The following PEX14 variants were observed in gnomAD, a reference collection of about 807,000 sequenced individuals.
PEX14 encodes peroxisomal membrane protein PEX14.
In PEX14, 15 loss-of-function variants were observed where a neutral mutation model predicts 49.5. The ratio of observed to expected loss-of-function variants is 0.30; its 90% CI spans 0.20 to 0.47. The LOEUF (loss-of-function observed/expected upper bound fraction) is 0.47. Ranked by LOEUF, PEX14 falls within the 20% of genes least tolerant of loss-of-function variation. The pLI, the probability that PEX14 is intolerant of heterozygous loss-of-function variation, is 1.00. For missense variants in PEX14, 398 were observed against 494.8 expected, an observed-to-expected ratio of 0.80 and a Z score of 1.86; for synonymous variants, 210 against 212.7, an observed-to-expected ratio of 0.99 and a Z score of 0.11.
chr1:10,507,949 A>G (rs1016851861), intron 2 of PEX14, among the ~76,000 whole-genome samples: 1 of 152,214 alleles, frequency 6.6e-6, no homozygotes, highest in African/African-American at 2.4e-5. Flanking sequence ...ACTTGTTGCC[A>G]AGAGCTAGAC....
intron 3 of PEX14, among the ~76,000 whole-genome samples, chr1:10,582,107 A>G (rs1640338349): frequency 6.6e-6 from 1 of 152,012 alleles, no homozygotes; most frequent in Non-Finnish European, 1.5e-5. Context: ...GCTTTATTAC[A>G]TAGGATGAAA....
chr1:10,490,963 C>G (rs1301586668), intron 1 of PEX14, among the ~76,000 whole-genome samples: 2 of 151,470 alleles, frequency 1.3e-5, no homozygotes, highest in African/African-American at 4.9e-5. Context: ...ATCGGCCTCC[C>G]AAAGTGCTGG....
At position 10,512,419 on chromosome 1, in the gene PEX14, T is replaced by C. The variant is rs944607005; in HGVS notation, c.84+17098T>C. On this transcript the variant is annotated intron_variant, in intron 2 of 8. Transcript: ENST00000356607. This position sits in a 1 kb window ranked among gnomAD's most constrained non-coding sequence, Gnocchi z 4.6. ...CAGGGAAACAGAGACTTCTGTGGAT[T>C]CATCCAAAGGATGGCAGACAGATTG... is the stretch of plus-strand genomic sequence containing the variant. 6.6e-6 allele frequency among the ~76,000 whole-genome samples: 1 copy of C among 152,196 alleles called. No individual in the cohort carries two copies. Among genetic ancestry groups the C allele is most frequent in the Admixed American group, 6.5e-5 (1 of 15,288 alleles).
intron 3 of PEX14, among the ~76,000 whole-genome samples, chr1:10,584,423 T>G (rs776267390): frequency 6.6e-6 from 1 of 152,212 alleles, no homozygotes; most frequent in Non-Finnish European, 1.5e-5. Context: ...TTGATTTTGA[T>G]AATTATTCTG....
chr1:10,538,348 G>A (rs1487816207), intron 3 of PEX14, among the ~76,000 whole-genome samples: 1 of 152,126 alleles, frequency 6.6e-6, no homozygotes, highest in Non-Finnish European at 1.5e-5. Context: ...CCCTAATTTG[G>A]GTTAGAGTTT....
chr1:10,592,910 C>G (rs1640713300), intron 3 of PEX14, among the ~76,000 whole-genome samples: 1 of 152,222 alleles, frequency 6.6e-6, no homozygotes, highest in South Asian at 2.1e-4. Flanking sequence ...ACCGCTGGCC[C>G]TTTGAAACCT....
At chr1:10,560,274 C>T (rs1639616327) in intron 3 of PEX14, among the ~76,000 whole-genome samples, 1 of 152,112 alleles carries the variant, frequency 6.6e-6, no homozygotes, top group Non-Finnish European at 1.5e-5. Context: ...TCAGACTGGT[C>T]TTGAACTCCC....
intron 4 of PEX14, among the ~76,000 whole-genome samples, chr1:10,600,930 G>A (rs531272143): frequency 6.7e-6 from 1 of 149,798 alleles, no homozygotes; most frequent in African/African-American, 2.5e-5. Flanking sequence ...TCAGGAGTTC[G>A]AGACCACCCT....
At chr1:10,549,587 G>A (rs944828077) in intron 3 of PEX14, among the ~76,000 whole-genome samples, 1 of 152,118 alleles carries the variant, frequency 6.6e-6, no homozygotes, top group African/African-American at 2.4e-5. Context: ...CCTGAAAAGA[G>A]GAGACACAGT....
intron 2 of PEX14, among the ~76,000 whole-genome samples, chr1:10,496,988 A>G (rs180792857): frequency 4.7e-4 from 72 of 152,058 alleles, no homozygotes; most frequent in Non-Finnish European, 3.1e-4. Flanking sequence ...TAATAATTAA[A>G]AAAACCCCCG....
chr1:10,558,357 C>G (rs1570264424), intron 3 of PEX14, among the ~76,000 whole-genome samples: 1 of 152,210 alleles, frequency 6.6e-6, no homozygotes, highest in Non-Finnish European at 1.5e-5. Flanking sequence ...TCATCTTCTT[C>G]TTGATCCCAC....
At chr1:10,614,013 C>A (rs914131021) in intron 4 of PEX14, among the ~76,000 whole-genome samples, 1 of 152,222 alleles carries the variant, frequency 6.6e-6, no homozygotes, top group Non-Finnish European at 1.5e-5. Context: ...TGTTCCCAGG[C>A]GCCCTGCTCT....
intron 3 of PEX14, among the ~76,000 whole-genome samples, chr1:10,543,844 T>A (rs1161173375): frequency 6.6e-6 from 1 of 152,164 alleles, no homozygotes; most frequent in Non-Finnish European, 1.5e-5. Context: ...AAGTCATCCT[T>A]CTGCCTTGCC....
intron 2 of PEX14, among the ~76,000 whole-genome samples, chr1:10,500,108 T>C (rs1641644876): frequency 6.6e-6 from 1 of 151,610 alleles, no homozygotes; most frequent in African/African-American, 2.4e-5. Flanking sequence ...AGTACTGTGA[T>C]CTCTGTAAGA....
intron 4 of PEX14, among the ~76,000 whole-genome samples, chr1:10,602,173 G>A (rs1304495249): frequency 6.6e-6 from 1 of 152,044 alleles, no homozygotes; most frequent in East Asian, 1.9e-4. Context: ...TACACGTTGA[G>A]GTATTTAGGT....
intron 2 of PEX14, among the ~76,000 whole-genome samples, chr1:10,521,721 C>G (rs939608756): frequency 6.6e-6 from 1 of 152,166 alleles, no homozygotes; most frequent in Non-Finnish European, 1.5e-5. Flanking sequence ...TTTTTTCCCC[C>G]CTAAGAATCA....
chr1:10,520,163 G>T (rs12085513), intron 2 of PEX14, among the ~76,000 whole-genome samples: 16,473 of 39,598 alleles, frequency 0.42, 2,619 homozygotes, highest in African/African-American at 0.54. Flanking sequence ...TTTTTTTTTT[G>T]TTTTTTTAAC....
intron 2 of PEX14, among the ~76,000 whole-genome samples, chr1:10,526,645 A>AT (rs1638491790): frequency 6.6e-6 from 1 of 151,930 alleles, no homozygotes; most frequent in Non-Finnish European, 1.5e-5. Flanking sequence ...TGGATTTTGG[A>AT]TTTTTTCAGA....
intron 2 of PEX14, among the ~76,000 whole-genome samples, chr1:10,510,128 C>T (rs1641857315): frequency 6.6e-6 from 1 of 152,184 alleles, no homozygotes; most frequent in Non-Finnish European, 1.5e-5. Flanking sequence ...TAGATCGATC[C>T]TTTCCTAATT....
Sources: allele counts gnomAD v4.1 joint callset (sites outside exome capture counted in the v4.1 genomes callset), GRCh38; gene constraint gnomAD v4.1.1; non-coding constraint Gnocchi (gnomAD v3.1); transcripts MANE v1.5; gene names NCBI Gene and HGNC (gene_info 2026-07-23, HGNC 2026-07-21).